The following NYAP2 variants were observed in gnomAD, a reference collection of about 807,000 sequenced individuals.
NYAP2 encodes the protein neuronal tyrosine-phosphorylated phosphoinositide-3-kinase adaptor 2.
In NYAP2, 23 loss-of-function variants were observed where a neutral mutation model predicts 50.4. The ratio of observed to expected loss-of-function variants is 0.46; its 90% confidence interval spans 0.33 to 0.65. The LOEUF (loss-of-function observed/expected upper bound fraction) is 0.65. Among genes scored for constraint, NYAP2 ranks in the 30% least tolerant of loss-of-function variants. The pLI, the probability that NYAP2 is intolerant of heterozygous loss-of-function variation, is 0.02. For synonymous variants in NYAP2, 394 were observed against 365.2 expected (o/e 1.08, Z -0.90); for missense variants, 885 against 861.0 (o/e 1.03, Z -0.35).
In NYAP2 at chr2:225,474,765, A is replaced by G. The variant is rs377573063; in HGVS notation, c.222-38606A>G. Among the ~76,000 whole-genome samples, 103 of 152,352 alleles carry G rather than the reference A, an allele frequency of 6.8e-4. 1 individual carries two copies. The South Asian group carries it at 0.02, about 30-fold the overall frequency. ...ATCATGTCATCTGCAAACAAGGACAATTTGACTTCCTCTTTTCCTAATTGA... is the reference window on the plus strand; with the variant it reads ...ATCATGTCATCTGCAAACAAGGACAGTTTGACTTCCTCTTTTCCTAATTGA... On this transcript the variant is annotated intron_variant, in intron 3 of 6. Transcript: ENST00000636099.
At chr2:225,649,921 CTTG>C (rs1214578222) in intron 6 of NYAP2, among the ~76,000 whole-genome samples, 1 of 152,174 alleles carries the variant, frequency 6.6e-6, no homozygotes, top group Non-Finnish European at 1.5e-5. Flanking sequence ...AAGTCCAAAC[CTTG>C]TTTATTGTCT....
chr2:225,531,817 T>C (rs900331815), intron 4 of NYAP2, among the ~76,000 whole-genome samples: 3 of 152,210 alleles, frequency 2.0e-5, no homozygotes, highest in African/African-American at 7.2e-5. Context: ...AAAGATGAGA[T>C]TGCTTTGCTG....
chr2:225,540,619 C>T (rs1691448684), intron 4 of NYAP2, among the ~76,000 whole-genome samples: 1 of 152,150 alleles, frequency 6.6e-6, no homozygotes, highest in African/African-American at 2.4e-5. Context: ...GGGACACAGC[C>T]AAATCATATC....
chr2:225,467,781 GC>G (rs1689944730), intron 3 of NYAP2, among the ~76,000 whole-genome samples: 1 of 152,148 alleles, frequency 6.6e-6, no homozygotes, highest in African/African-American at 2.4e-5. Flanking sequence ...ATAACACTAT[GC>G]CACCACACTT....
the NYAP2 span, chr2:225,702,956 C>T: frequency 6.6e-6 from 1 of 151,512 alleles, no homozygotes; most frequent in African/African-American, 2.4e-5. Flanking sequence ...GTACAGTATA[C>T]ATACTGTATA....
chr2:225,513,535 A>G, exon 4 of NYAP2: 1 of 1,613,072 alleles, frequency 6.2e-7, no homozygotes, highest in South Asian at 1.1e-5. Context: ...GGCACAGACG[A>G]TGACAGCAGC....
At chr2:225,570,989 GGGGCTACAGGC>G (rs1692061193) in intron 4 of NYAP2, among the ~76,000 whole-genome samples, 1 of 152,200 alleles carries the variant, frequency 6.6e-6, no homozygotes, top group African/African-American at 2.4e-5. Flanking sequence ...TCAAAACAAA[GGGGCTACAGGC>G]CCCATGCAAG....
chr2:225,576,620 T>G (rs1263504162), intron 4 of NYAP2, among the ~76,000 whole-genome samples: 2 of 152,168 alleles, frequency 1.3e-5, no homozygotes, highest in Non-Finnish European at 2.9e-5. Flanking sequence ...TGGATTCACA[T>G]TTTCCTGCTT....
At chr2:225,536,351 C>T (rs1461352867) in intron 4 of NYAP2, among the ~76,000 whole-genome samples, 3 of 152,152 alleles carry the variant, frequency 2.0e-5, no homozygotes, top group Non-Finnish European at 4.4e-5. Context: ...TGTCATTACT[C>T]ATGGCATTAC....
chr2:225,617,452 A>C (rs911493640), intron 5 of NYAP2, among the ~76,000 whole-genome samples: 3 of 152,066 alleles, frequency 2.0e-5, no homozygotes, highest in Admixed American at 6.6e-5. Flanking sequence ...TAAAAAAAAA[A>C]CAGCAGTCAT....
chr2:225,519,662 A>G (rs1440639276), intron 4 of NYAP2, among the ~76,000 whole-genome samples: 3 of 152,064 alleles, frequency 2.0e-5, no homozygotes, highest in African/African-American at 4.8e-5. Context: ...TTCTTAATCC[A>G]GTCTATCATT....
At chr2:225,568,046 A>G (rs1691994150) in intron 4 of NYAP2, among the ~76,000 whole-genome samples, 3 of 152,122 alleles carry the variant, frequency 2.0e-5, no homozygotes, top group Admixed American at 1.3e-4. Flanking sequence ...TAGTCTTTCA[A>G]ATGGTCTTGC....
intron 4 of NYAP2, among the ~76,000 whole-genome samples, chr2:225,552,311 C>T (rs751542402): frequency 9.9e-5 from 15 of 152,134 alleles, no homozygotes; most frequent in Non-Finnish European, 5.9e-5. Flanking sequence ...ATGAAGTCAA[C>T]AAATATAGAA....
chr2:225,573,354 C>T (rs1278167663), intron 4 of NYAP2, among the ~76,000 whole-genome samples: 1 of 150,000 alleles, frequency 6.7e-6, no homozygotes, highest in East Asian at 2.0e-4. Context: ...ATGGTTCAAA[C>T]AATTCTCCTT....
At chr2:225,632,576 G>C (rs1318030915) in intron 6 of NYAP2, among the ~76,000 whole-genome samples, 3 of 152,202 alleles carry the variant, frequency 2.0e-5, no homozygotes, top group African/African-American at 7.2e-5. Context: ...ATTAACACTG[G>C]TTGCTGGGGT....
chr2:225,685,383 T>C, the NYAP2 span, among the ~76,000 whole-genome samples: 1 of 152,210 alleles, frequency 6.6e-6, no homozygotes, highest in Non-Finnish European at 1.5e-5. Context: ...AATACCTTTT[T>C]TATAATTGAA....
intron 3 of NYAP2, among the ~76,000 whole-genome samples, chr2:225,487,643 A>G (rs1690326502): frequency 6.6e-6 from 1 of 152,314 alleles, no homozygotes; most frequent in East Asian, 1.9e-4. Flanking sequence ...TACAGGCATG[A>G]GCCACCACGC....
At chr2:225,502,663 C>G (rs1042377396) in intron 3 of NYAP2, among the ~76,000 whole-genome samples, 20 of 152,202 alleles carry the variant, frequency 1.3e-4, no homozygotes, top group African/African-American at 4.8e-4. Context: ...CCCCACTTCT[C>G]TCTTCATCTG....
intron 5 of NYAP2, among the ~76,000 whole-genome samples, chr2:225,600,705 A>T (rs1006341799): frequency 6.6e-6 from 1 of 152,118 alleles, no homozygotes; most frequent in African/African-American, 2.4e-5. Context: ...TTCCCAACTA[A>T]AACTCCATCT....
Sources: allele counts gnomAD v4.1 joint callset (sites outside exome capture counted in the v4.1 genomes callset), GRCh38; gene constraint gnomAD v4.1.1; transcripts MANE v1.5; gene names NCBI Gene and HGNC (gene_info 2026-07-23, HGNC 2026-07-21).